The following NAALADL2 variants were observed in gnomAD, a reference collection of about 807,000 sequenced individuals.
The protein encoded by NAALADL2 is inactive N-acetylated-alpha-linked acidic dipeptidase-like protein 2.
NAALADL2 carries 76 observed loss-of-function variants against 87.2 expected under a neutral mutation model. The observed-to-expected ratio is 0.87, with a 90% CI of 0.72 to 1.05. The LOEUF is 1.05. Among genes scored for constraint, NAALADL2 ranks in the 50% least tolerant of loss-of-function variants. The pLI is 0.00. For missense variants in NAALADL2, 1,089 were observed against 945.8 expected (o/e 1.15, Z -1.99); for synonymous variants, 354 against 331.0 (o/e 1.07, Z -0.75).
At chr3:175,432,905 T>TA (rs1416833985) in intron 5 of NAALADL2, among the ~76,000 whole-genome samples, 2 of 152,098 alleles carry the variant, frequency 1.3e-5, no homozygotes, top group African/African-American at 4.8e-5. Context: ...CCTCTGACTG[T>TA]ATCACTGCTC....
intron 4 of NAALADL2, among the ~76,000 whole-genome samples, chr3:175,303,591 A>G (rs914937600): frequency 6.6e-6 from 1 of 152,152 alleles, no homozygotes; most frequent in African/African-American, 2.4e-5. Flanking sequence ...TTTCTTTTTA[A>G]GATTTTGTAT....
chr3:174,610,869 T>C (rs1466065959), intron 2 of NAALADL2, among the ~76,000 whole-genome samples: 1 of 152,162 alleles, frequency 6.6e-6, no homozygotes, highest in Non-Finnish European at 1.5e-5. Context: ...TGCACACATA[T>C]GTTTATTGAG....
intron 5 of NAALADL2, among the ~76,000 whole-genome samples, chr3:175,430,649 C>T (rs748619008): frequency 2.6e-5 from 4 of 151,910 alleles, no homozygotes; most frequent in Non-Finnish European, 4.4e-5. Flanking sequence ...TGTCTCTACA[C>T]GTTATTATTT....
Position 174,612,351 on chromosome 3 carries a change from T to C in NAALADL2, c.-115+61714T>C, listed in dbSNP as rs562332291. ...ATTTCTCTAGGTTTGGGAAATTATC[T>C]GTTATTATCCCTTTGAATAAACGTT... On this transcript the variant is annotated intron_variant, in intron 2 of 3. Transcript: ENST00000434257. Among the ~76,000 whole-genome samples the C allele has an allele frequency of 9.2e-4, 140 of 152,312 alleles. 1 individual carries two copies. The highest frequency in any genetic ancestry group is 6.2e-4 in the Non-Finnish European group (42 of 68,034).
At chr3:175,654,556 G>T (rs1182290475) in intron 11 of NAALADL2, among the ~76,000 whole-genome samples, 1 of 152,060 alleles carries the variant, frequency 6.6e-6, no homozygotes, top group African/African-American at 2.4e-5. Context: ...CTTTCTTGTA[G>T]CAATCCTGCA....
chr3:174,995,602 C>T (rs1290641682), intron 1 of NAALADL2, among the ~76,000 whole-genome samples: 2 of 152,062 alleles, frequency 1.3e-5, no homozygotes, highest in Non-Finnish European at 2.9e-5. Context: ...TCTCAGAATA[C>T]AACAGGTAAT....
At chr3:175,544,246 G>T (rs190022953) in intron 9 of NAALADL2, among the ~76,000 whole-genome samples, 1 of 152,272 alleles carries the variant, frequency 6.6e-6, no homozygotes. Flanking sequence ...AATTATTTTT[G>T]ATAAACAAGC....
chr3:175,044,310 A>G (rs1452881262), intron 1 of NAALADL2, among the ~76,000 whole-genome samples: 1 of 152,126 alleles, frequency 6.6e-6, no homozygotes, highest in Non-Finnish European at 1.5e-5. Context: ...CTGGACTCAA[A>G]TGTTAGAAAT....
At chr3:174,738,749 T>TG (rs1351626050) in intron 3 of NAALADL2, among the ~76,000 whole-genome samples, 1 of 152,242 alleles carries the variant, frequency 6.6e-6, no homozygotes, top group Non-Finnish European at 1.5e-5. Flanking sequence ...GCCTAGCATT[T>TG]GTTGAGCTCC....
In NAALADL2 at chr3:175,718,300, G is replaced by A. The variant is rs570096423; in HGVS notation, c.1897-19006G>A. 145 of 1,471,644 alleles carry A rather than the reference G, an allele frequency of 9.9e-5. 1 individual carries two copies. In the East Asian group the frequency reaches 1.5e-3, roughly 15 times the overall value. 91.2% of individuals were successfully genotyped at this position (1,471,644 alleles called of 1,614,324 possible). A position where few individuals can be genotyped will look rare whatever the true frequency, so the allele number is the denominator to read the frequency against. Reference sequence around the variant, plus strand: ...TCTTTAGACATCGTTAGGCGCCGAAGCTCTTGCAGGACAACTTTGATGCTA... The same window carrying A: ...TCTTTAGACATCGTTAGGCGCCGAAACTCTTGCAGGACAACTTTGATGCTA... On this transcript the variant is annotated intron_variant, in intron 11 of 13. Coordinates refer to ENST00000454872, the MANE Select transcript of NAALADL2 (RefSeq NM_207015.3).
chr3:175,151,154 G>C (rs1382116610), intron 2 of NAALADL2, among the ~76,000 whole-genome samples: 1 of 152,184 alleles, frequency 6.6e-6, no homozygotes, highest in East Asian at 1.9e-4. Flanking sequence ...TCAGAGAAGA[G>C]ATGTCCCAGA....
chr3:175,743,770 A>G (rs1236292618), intron 12 of NAALADL2, among the ~76,000 whole-genome samples: 2 of 152,222 alleles, frequency 1.3e-5, no homozygotes, highest in Non-Finnish European at 2.9e-5. Flanking sequence ...GGATTCGTGA[A>G]AACGAGATCA....
At chr3:175,305,773 C>T (rs374212567) in intron 4 of NAALADL2, among the ~76,000 whole-genome samples, 1 of 152,140 alleles carries the variant, frequency 6.6e-6, no homozygotes, top group East Asian at 1.9e-4. Context: ...CCACCTGCCT[C>T]GGCCTCCCAA....
intron 4 of NAALADL2, among the ~76,000 whole-genome samples, chr3:175,314,839 A>T (rs1309035643): frequency 6.6e-6 from 1 of 150,602 alleles, no homozygotes; most frequent in Non-Finnish European, 1.5e-5. Flanking sequence ...TATGTTTTTC[A>T]TTCATTCATT....
chr3:175,209,706 GAT>G (rs145591532), intron 2 of NAALADL2, among the ~76,000 whole-genome samples: 7 of 149,440 alleles, frequency 4.7e-5, no homozygotes, highest in African/African-American at 4.9e-5. Context: ...AGTTATTTTG[GAT>G]ATATATATAT....
intron 3 of NAALADL2, among the ~76,000 whole-genome samples, chr3:174,846,479 T>C (rs2109449270): frequency 6.6e-6 from 1 of 152,360 alleles, no homozygotes; most frequent in East Asian, 1.9e-4. Flanking sequence ...GTCAATTTTC[T>C]TAAAATTTTG....
intron 1 of NAALADL2, among the ~76,000 whole-genome samples, chr3:174,974,038 AT>A (rs1476379060): frequency 6.6e-6 from 1 of 152,232 alleles, no homozygotes; most frequent in African/African-American, 2.4e-5. Flanking sequence ...TAAAAATAGT[AT>A]TGAAACTTTG....
Position 175,481,335 on chromosome 3 carries a change from C to CTGTGTGTGTGTGTGTG in NAALADL2, c.1653+9593_1653+9608dup, listed in dbSNP as rs3040504. 2.9e-3 allele frequency among the ~76,000 whole-genome samples: 418 copies of CTGTGTGTGTGTGTGTG among 143,986 alleles called. 2 individuals are homozygous for CTGTGTGTGTGTGTGTG. Among genetic ancestry groups the CTGTGTGTGTGTGTGTG allele is most frequent in the African/African-American group, 8.8e-3 (346 of 39,178 alleles). 94.5% of individuals were successfully genotyped at this position (143,986 alleles called of 152,430 possible). On this transcript the variant is annotated intron_variant, in intron 9 of 13. Transcript: ENST00000454872. ...TTCTTTGTCATTACTAACAATGCCACTGTGTGTGTGTGTGTGTGTGTGTGT... is the reference window on the plus strand; with the variant it reads ...TTCTTTGTCATTACTAACAATGCCACTGTGTGTGTGTGTGTGTGTGTGTGTGTGTGTGTGTGTGTGT...
intron 6 of NAALADL2, among the ~76,000 whole-genome samples, chr3:175,462,415 G>A: frequency 6.6e-6 from 1 of 152,120 alleles, no homozygotes; most frequent in Non-Finnish European, 1.5e-5. Flanking sequence ...TCAGTATACG[G>A]ATTTTCCATT....
Sources: gnomAD v4.1 joint callset for allele counts (sites outside exome capture counted in the v4.1 genomes callset) on GRCh38, gnomAD v4.1.1 for gene constraint, MANE v1.5 for transcripts, NCBI Gene and HGNC (gene_info 2026-07-23, HGNC 2026-07-21) for gene names.